The following FRMD4B variants were observed in gnomAD, a reference collection of about 807,000 sequenced individuals.
The protein encoded by FRMD4B is FERM domain containing 4B.
FRMD4B carries 74 observed loss-of-function variants against 141.5 expected under a neutral mutation model. The observed-to-expected ratio is 0.52, with a 90% CI of 0.43 to 0.63. FRMD4B has a LOEUF of 0.63. Among genes scored for constraint, FRMD4B ranks in the 30% least tolerant of loss-of-function variants. FRMD4B has a pLI of 0.00. For missense variants in FRMD4B, 1,366 were observed against 1,253.4 expected, an observed-to-expected ratio of 1.09 and a Z score of -1.36; for synonymous variants, 506 against 467.9, an observed-to-expected ratio of 1.08 and a Z score of -1.05.
At chr3:69,183,774 G>A (rs1034370371) in intron 19 of FRMD4B, among the ~76,000 whole-genome samples, 3 of 151,046 alleles carry the variant, frequency 2.0e-5, no homozygotes, top group Admixed American at 6.6e-5. Context: ...GAGCCACCGC[G>A]CCCAGCCTGA....
At chr3:69,475,294 G>A (rs1189129400) in intron 1 of FRMD4B, among the ~76,000 whole-genome samples, 2 of 151,824 alleles carry the variant, frequency 1.3e-5, no homozygotes, top group African/African-American at 4.8e-5. Flanking sequence ...CCATGCTGCT[G>A]TGCTGCACCC....
chr3:69,310,105 GCCCTC>G lies in FRMD4B; in HGVS notation c.323+1153_323+1157del, dbSNP rs1343100256. On this transcript the variant is annotated intron_variant, in intron 3 of 22. Coordinates refer to ENST00000398540, the MANE Select transcript of FRMD4B (RefSeq NM_015123.3). ...AGTGTACTTTCTTCTGCCTTGTTGA[GCCCTC>G]TTTGGGAAACATCCTCAGTCCAGAA... Among the ~76,000 whole-genome samples the G allele has an allele frequency of 4.6e-5, 7 of 152,242 alleles. No individual in the cohort carries two copies. In the East Asian group the frequency reaches 1.2e-3, roughly 25 times the overall value.
chr3:69,513,981 T>C (rs1372566961), intron 1 of FRMD4B, among the ~76,000 whole-genome samples: 1 of 152,172 alleles, frequency 6.6e-6, no homozygotes, highest in African/African-American at 2.4e-5. Flanking sequence ...GCATTTCCTC[T>C]AAGATCAGGA....
At chr3:69,513,264 A>G (rs1409436085) in intron 1 of FRMD4B, among the ~76,000 whole-genome samples, 15 of 152,320 alleles carry the variant, frequency 9.8e-5, no homozygotes, top group Admixed American at 9.1e-4. Context: ...ATAAGAGAAT[A>G]CAATGAACAA....
intron 11 of FRMD4B, among the ~76,000 whole-genome samples, chr3:69,203,320 C>CAAA (rs796607832): frequency 1.1e-3 from 122 of 107,844 alleles, no homozygotes; most frequent in East Asian, 5.1e-3. Context: ...CAAACTTCAG[C>CAAA]AAAAAAAAAA....
chr3:69,330,875 G>A (rs1559809907), intron 1 of FRMD4B, among the ~76,000 whole-genome samples: 1 of 152,154 alleles, frequency 6.6e-6, no homozygotes, highest in Non-Finnish European at 1.5e-5. Context: ...GCTGAAGGAG[G>A]CTGCCATGAC....
chr3:69,450,156 A>G (rs1273300662), intron 1 of FRMD4B, among the ~76,000 whole-genome samples: 1 of 152,164 alleles, frequency 6.6e-6, no homozygotes, highest in Non-Finnish European at 1.5e-5. Context: ...GCCTGCAGAC[A>G]ATAATCATTA....
chr3:69,411,209 A>G (rs1704754973), intron 2 of FRMD4B, among the ~76,000 whole-genome samples: 1 of 152,144 alleles, frequency 6.6e-6, no homozygotes, highest in Admixed American at 6.5e-5. Flanking sequence ...GGTGGCTACT[A>G]ATTCATATGG....
chr3:69,487,494 A>G (rs555963355), intron 1 of FRMD4B, among the ~76,000 whole-genome samples: 2 of 152,352 alleles, frequency 1.3e-5, no homozygotes, highest in Admixed American at 1.3e-4. Flanking sequence ...CTACAGGAGA[A>G]GAGACTGGTC....
intron 1 of FRMD4B, among the ~76,000 whole-genome samples, chr3:69,439,765 T>G (rs1390889451): frequency 6.6e-6 from 1 of 152,240 alleles, no homozygotes; most frequent in African/African-American, 2.4e-5. Flanking sequence ...CTTTTGAATT[T>G]CTGCTATTGT....
At position 69,170,397 on chromosome 3, in the gene FRMD4B, T is replaced by A. The variant is rs1357868427; in HGVS notation, c.*1464A>T. On this transcript the variant is annotated 3_prime_UTR_variant, in exon 23 of 23. Coordinates refer to ENST00000398540, the MANE Select transcript of FRMD4B (RefSeq NM_015123.3). ...GCTATACAAATATGCAAAAAAGGAA[T>A]AAGTTATTTTTTTTTGCTTGTCTTT... is the stretch of plus-strand genomic sequence containing the variant. 1 of 37,652 alleles carries A rather than the reference T, an allele frequency of 2.7e-5. No homozygotes were observed. The highest frequency in any genetic ancestry group is 1.5e-4 in the Non-Finnish European group (1 of 6,714). The allele number at this position is 37,652 out of a possible 1,614,324, so 2.3% of individuals were successfully genotyped here.
intron 7 of FRMD4B, among the ~76,000 whole-genome samples, chr3:69,245,828 TA>T (rs1357459450): frequency 1.4e-5 from 2 of 142,508 alleles, no homozygotes; most frequent in African/African-American, 5.4e-5. Context: ...CGTGCCAGGC[TA>T]ATTTGTTTTT....
chr3:69,275,442 CTTT>C (rs11405908), intron 5 of FRMD4B, among the ~76,000 whole-genome samples: 1 of 141,756 alleles, frequency 7.1e-6, no homozygotes. Context: ...CTCTCTCTCT[CTTT>C]TTTTTTTTTT....
exon 1 of FRMD4B, chr3:69,542,528 G>C (rs1235375683): frequency 6.6e-6 from 1 of 152,620 alleles, no homozygotes; most frequent in Non-Finnish European, 1.5e-5. Flanking sequence ...CACACTTACA[G>C]CTGTGCCCCG....
intron 1 of FRMD4B, among the ~76,000 whole-genome samples, chr3:69,489,723 A>G (rs1706272902): frequency 6.6e-6 from 1 of 152,244 alleles, no homozygotes; most frequent in Admixed American, 6.5e-5. Flanking sequence ...CCAGAATTCT[A>G]TTCCTAGGTA....
At chr3:69,394,570 G>C (rs1704442947) in intron 2 of FRMD4B, among the ~76,000 whole-genome samples, 1 of 152,192 alleles carries the variant, frequency 6.6e-6, no homozygotes, top group Non-Finnish European at 1.5e-5. Flanking sequence ...CTGTTGGTGG[G>C]AGTGTAAATT....
At chr3:69,415,120 T>C (rs1704835869) in intron 2 of FRMD4B, among the ~76,000 whole-genome samples, 1 of 152,140 alleles carries the variant, frequency 6.6e-6, no homozygotes, top group African/African-American at 2.4e-5. Context: ...CGCCTTGGCC[T>C]CCCAAAGTGC....
At chr3:69,535,954 C>A in intron 1 of FRMD4B, 1 of 392,274 alleles carries the variant, frequency 2.5e-6, no homozygotes. Flanking sequence ...TGGTCCCCAG[C>A]ATCTCCTTGG....
chr3:69,180,246 CAAAAAAAAAAA>C (rs71115658), intron 21 of FRMD4B, among the ~76,000 whole-genome samples: 1 of 101,048 alleles, frequency 9.9e-6, no homozygotes, highest in Non-Finnish European at 2.0e-5. Context: ...CTTGTTTCTA[CAAAAAAAAAAA>C]AAAAAAAAAA....
Sources: gnomAD v4.1 joint callset for allele counts (sites outside exome capture counted in the v4.1 genomes callset) on GRCh38, gnomAD v4.1.1 for gene constraint, MANE v1.5 for transcripts, NCBI Gene and HGNC (gene_info 2026-07-23, HGNC 2026-07-21) for gene names.